The following WDR90 variants were observed in gnomAD, a reference collection of about 807,000 sequenced individuals.
The protein encoded by WDR90 is WD repeat domain 90.
Under a neutral mutation model 195.2 loss-of-function variants are expected in WDR90, and 238 were observed. The ratio of observed to expected loss-of-function variants is 1.22; its 90% CI spans 1.10 to 1.36. The LOEUF is 1.36. WDR90 is among the 40% of genes most tolerant of loss of function. The pLI, the probability that WDR90 is intolerant of heterozygous loss-of-function variation, is 0.00. For missense variants in WDR90, 2,734 were observed against 2,439.5 expected (o/e 1.12, Z -2.54); for synonymous variants, 1,265 against 1,052.4 (o/e 1.20, Z -3.91).
At chr16:652,381 T>C (rs2037664432) in intron 9 of WDR90, 86 bp from the exon 10 acceptor site, 1 of 1,460,116 alleles carries the variant, frequency 6.8e-7, no homozygotes. Context: ...AGGACCCAGC[T>C]AGGGGTTGGC....
chr16:656,263 G>C (rs1486080695), intron 17 of WDR90, 39 bp from the exon 18 acceptor site: 2 of 1,572,790 alleles, frequency 1.3e-6, no homozygotes, highest in Non-Finnish European at 1.7e-6. Context: ...GCTCACCCCG[G>C]GGTGGCCCTG....
At chr16:654,900 G>C (rs1423627571) in intron 13 of WDR90, 129 bp from the exon 14 acceptor site, 10 of 808,290 alleles carry the variant, frequency 1.2e-5, no homozygotes, top group Non-Finnish European at 2.0e-5. Flanking sequence ...ACTCTCCACG[G>C]CCGCACGCTC....
In WDR90 at chr16:666,005, G is replaced by A. The variant is rs368243189; in HGVS notation, c.4490G>A (p.Arg1497Gln). 1.7e-5 allele frequency: 27 copies of A among 1,604,002 alleles called. No individual in the cohort carries two copies. Among genetic ancestry groups the A allele is most frequent in the African/African-American group, 1.6e-4 (12 of 74,920 alleles). The change falls in exon 36 of 41, where the codon CGG becomes CAG. Residue 1497 changes from arginine (R) to glutamine (Q), a missense_variant. Transcript: ENST00000293879. The stretch of plus-strand genomic sequence containing the variant: ...TGCTGTGGCCGCCCTGAGCAGCAGC[G>A]GCTAGCGGCTGGCTACGGTGACGGC... ...PPCCGRPEQQ[R>Q]LAAGYGDGSL...
Position 657,826 on chromosome 16 carries a change from C to T in WDR90, c.2538C>T (p.Arg846=), listed in dbSNP as rs903567377. 1 of 1,575,064 alleles carries T rather than the reference C, an allele frequency of 6.3e-7. No homozygotes were observed. Among genetic ancestry groups the T allele is most frequent in the African/African-American group, 1.3e-5 (1 of 74,152 alleles). Residue 846 remains arginine (R), a synonymous_variant, in exon 21 of 41, where the codon CGC becomes CGT. Transcript: ENST00000293879. ...CCCTGGCAGTCAGCAGGGATGGCCGCCTGCTGGCCTTTGTGGGACCCTCCA... is the reference window on the plus strand; with the variant it reads ...CCCTGGCAGTCAGCAGGGATGGCCGTCTGCTGGCCTTTGTGGGACCCTCCA... ...PSALAVSRDG[R]LLAFVGPSRC...
In WDR90 at chr16:649,854, G is replaced by C. The variant is rs759104684; in HGVS notation, c.102G>C (p.Thr34=). 4.4e-6 allele frequency: 7 copies of C among 1,579,090 alleles called. No homozygotes were observed. The South Asian group carries it at 4.6e-5, about 10-fold the overall frequency. Reference sequence around the variant, plus strand: ...AGCAGGGGGACGTGGCCGTGGTCACGGTAGGCGGCCGGGGGCTCGCCCGGA... The same window carrying C: ...AGCAGGGGGACGTGGCCGTGGTCACCGTAGGCGGCCGGGGGCTCGCCCGGA... ...SAKQGDVAVV[T]DKTLKGAVYR... is the part of the protein sequence containing the mutation. Residue 34 remains threonine (T), a splice_region_variant and synonymous_variant, in exon 2 of 41, where the codon ACG becomes ACC. Transcript: ENST00000293879.
At position 653,612 on chromosome 16, in the gene WDR90, C is replaced by A; in HGVS notation, c.1321C>A (p.Gln441Lys). The A allele has an allele frequency of 6.2e-7, 1 of 1,613,538 alleles. No individual in the cohort carries two copies. Among genetic ancestry groups the A allele is most frequent in the Non-Finnish European group, 8.5e-7 (1 of 1,180,010 alleles). The change falls in exon 12 of 41, where the codon CAG becomes AAG. Residue 441 changes from glutamine (Q) to lysine (K), a missense_variant. Physicochemically the swap from Gln to Lys is moderately conservative, Grantham distance 53. Transcript: ENST00000293879. ...APSVMRLWDF[Q>K]TGRCLCLFRS... ...TAGTGTGATGCGGCTCTGGGACTTC[C>A]AGACCGGGCGGTGCTTGTGCCTGTT...
chr16:660,958 CAG>C, intron 28 of WDR90, 91 bp from the exon 29 acceptor site: 1 of 496,736 alleles, frequency 2.0e-6, no homozygotes, highest in Non-Finnish European at 2.6e-6. Flanking sequence ...CGGCTCGGCC[CAG>C]GCCCCGCCCC....
chr16:661,548 G>T (rs768436117), intron 30 of WDR90, 47 bp downstream of exon 30: 5 of 1,580,658 alleles, frequency 3.2e-6, no homozygotes, highest in Non-Finnish European at 4.3e-6. Flanking sequence ...TAGACCCCGG[G>T]GGGGGCTGCA....
rs535591903 is a variant in WDR90 at position 663,726 on chromosome 16, C to G, written c.4311+882C>G. ...TCTGGGACCTCCTGGTCTGGAAGCT[C>G]TGTGGCCTCATGGGGTTGGGACAGC... On this transcript the variant is annotated intron_variant, in intron 34 of 40. Transcript: ENST00000293879. Among the ~76,000 whole-genome samples, 36 of 152,360 alleles carry G rather than the reference C, an allele frequency of 2.4e-4. No homozygotes were observed. The East Asian group carries it at 6.8e-3, about 29-fold the overall frequency.
rs754649685 is a variant in WDR90, at chr16:650,121, C to A, written c.233C>A (p.Pro78His). The A allele has an allele frequency of 1.2e-6, 2 of 1,613,080 alleles. No individual in the cohort carries two copies. The highest frequency in any genetic ancestry group is 1.7e-6 in the Non-Finnish European group (2 of 1,179,970). ...TGRYLYVLFR[P>H]LPSKHFVIHL... ...CGATACCTGTATGTGCTCTTTCGGC[C>A]CCTGCCCAGCAAGCACTTCGTCATC... The change falls in exon 3 of 41, where the codon CCC (proline) becomes CAC (histidine). Residue 78 changes from proline (P) to histidine (H), a missense_variant. Pro to His is a moderately conservative substitution (Grantham distance 77). Coordinates refer to ENST00000293879, the MANE Select transcript of WDR90 (RefSeq NM_145294.5).
chr16:652,701 G>A (rs756504657), intron 10 of WDR90, among the ~76,000 whole-genome samples, 166 bp downstream of exon 10: 1 of 152,242 alleles, frequency 6.6e-6, no homozygotes, highest in Non-Finnish European at 1.5e-5. Context: ...TGCTTCCCGC[G>A]TGCTCAGGCA....
intron 25 of WDR90, 54 bp from the exon 26 acceptor site, chr16:659,191 C>T: frequency 5.0e-6 from 8 of 1,610,292 alleles, no homozygotes; most frequent in East Asian, 2.2e-5. Flanking sequence ...CCTGTGTCTG[C>T]CTAGTGGCCC....
chr16:661,455 G>A lies in WDR90; in HGVS notation c.3627G>A (p.Val1209=). The A allele has an allele frequency of 6.2e-7, 1 of 1,612,028 alleles. No individual in the cohort carries two copies. The highest frequency in any genetic ancestry group is 8.5e-7 in the Non-Finnish European group (1 of 1,179,586). Residue 1209 remains valine, a synonymous_variant, in exon 30 of 41, where the codon GTG becomes GTA. Coordinates refer to ENST00000293879, the MANE Select transcript of WDR90 (RefSeq NM_145294.5). ...TCATTTTCCCCCATAGCACCACCGT[G>A]CTGGCCCTGGCCTTCTCACCAGATG... The part of the protein sequence containing the change: ...QHLIFPHSTT[V]LALAFSPDDR...
chr16:662,276 C>G lies in WDR90; in HGVS notation c.4090C>G (p.Arg1364Gly). Residue 1364 changes from arginine (R) to glycine (G), a missense_variant, in exon 33 of 41, where the codon CGC (arginine) becomes GGC (glycine). By Grantham distance (125) the Arg-to-Gly change is moderately radical (BLOSUM62 -2). Transcript: ENST00000293879. ...CAGCGGCAGCAGCACGGGGCGGCTGCGCCTGTGGGCCGTGGGGGCTGTGTC... is the reference window on the plus strand; with the variant it reads ...CAGCGGCAGCAGCACGGGGCGGCTGGGCCTGTGGGCCGTGGGGGCTGTGTC... ...LVSGSSTGRL[R>G]LWAVGAVSEL... 6.3e-7 allele frequency: 1 copy of G among 1,585,410 alleles called. No homozygotes were observed.
intron 26 of WDR90, 143 bp from the exon 27 acceptor site, chr16:659,915 C>T (rs1235786192): frequency 1.1e-5 from 7 of 653,298 alleles, no homozygotes; most frequent in African/African-American, 3.7e-5. Flanking sequence ...GGTTTGCCTG[C>T]GTCTGTGGCT....
chr16:660,761 G>C lies in WDR90; in HGVS notation c.3391+47G>C, dbSNP rs377445555. 8.4e-5 allele frequency: 128 copies of C among 1,518,584 alleles called. No individual in the cohort carries two copies. The African/African-American group carries it at 1.2e-3, about 15-fold the overall frequency. The allele number at this position is 1,518,584 out of a possible 1,614,324, so 94.1% of individuals were successfully genotyped here. ...CCACCCCCAGCCAAGATGCGGCCGC[G>C]CGTGGTCCAGCCGTCTCCACCCCAA... is the stretch of plus-strand genomic sequence containing the variant. On this transcript the variant is annotated intron_variant, in intron 28 of 40. Transcript: ENST00000293879.
intron 20 of WDR90, 77 bp downstream of exon 20, chr16:657,298 A>G (rs2037780786): frequency 1.4e-6 from 2 of 1,450,894 alleles, no homozygotes; most frequent in Non-Finnish European, 1.8e-6. Context: ...CCACACCTGG[A>G]CACACATGCC....
At position 666,763 on chromosome 16, in the gene WDR90, G is replaced by A; in HGVS notation, c.4975G>A (p.Val1659Met). ...CGTGGGCCCCGGTGTTTACAAGGAG[G>A]TGATCATCTACAACCTCTGCCAGAA... Reference protein sequence around the residue: ...MYVGPGVYKEVIIYNLCQKQV... With the variant: ...MYVGPGVYKEMIIYNLCQKQV... The change falls in exon 39 of 41, where the codon GTG (valine) becomes ATG (methionine). Residue 1659 changes from valine to methionine, a missense_variant. By Grantham distance (21) the Val-to-Met change is conservative. Coordinates refer to ENST00000293879, the MANE Select transcript of WDR90 (RefSeq NM_145294.5). The A allele has an allele frequency of 6.2e-7, 1 of 1,612,866 alleles. No individual in the cohort carries two copies. Among genetic ancestry groups the A allele is most frequent in the South Asian group, 1.1e-5 (1 of 91,084 alleles).
chr16:667,336 G>A, intron 40 of WDR90, 96 bp from the exon 41 acceptor site: 1 of 1,483,778 alleles, frequency 6.7e-7, no homozygotes, highest in Non-Finnish European at 9.0e-7. Context: ...CCCCCGACCA[G>A]CATCATGCCC....
Sources: allele counts gnomAD v4.1 joint callset (sites outside exome capture counted in the v4.1 genomes callset), GRCh38; gene constraint gnomAD v4.1.1; transcripts MANE v1.5; gene names NCBI Gene and HGNC (gene_info 2026-07-23, HGNC 2026-07-21).